SPOCK3: variants seen among roughly 807,000 people sequenced by gnomAD.
The protein encoded by SPOCK3 is testican-3.
In SPOCK3, 30 loss-of-function variants were observed where a neutral mutation model predicts 56.6. The observed-to-expected ratio is 0.53, with a 90% CI of 0.40 to 0.72. SPOCK3 has a LOEUF of 0.72. Among genes scored for constraint, SPOCK3 ranks in the 30% least tolerant of loss-of-function variants. The pLI, the probability that SPOCK3 is intolerant of heterozygous loss-of-function variation, is 0.00. For missense variants in SPOCK3, 527 were observed against 530.0 expected (o/e 0.99, Z 0.06); for synonymous variants, 196 against 183.3 (o/e 1.07, Z -0.56).
At chr4:166,938,461 C>T (rs755685169) in intron 4 of SPOCK3, among the ~76,000 whole-genome samples, 3 of 151,952 alleles carry the variant, frequency 2.0e-5, no homozygotes, top group Non-Finnish European at 4.4e-5. Context: ...TGCTGGTGAT[C>T]AATCTGGTAA....
At chr4:167,117,048 C>G (rs1463015303) in intron 2 of SPOCK3, among the ~76,000 whole-genome samples, 3 of 150,658 alleles carry the variant, frequency 2.0e-5, no homozygotes, top group Non-Finnish European at 4.4e-5. Context: ...GCCTTCAACA[C>G]TGGGGCCATG....
chr4:166,817,607 A>C (rs1372748162), intron 6 of SPOCK3, among the ~76,000 whole-genome samples: 1 of 152,082 alleles, frequency 6.6e-6, no homozygotes, highest in Non-Finnish European at 1.5e-5. Flanking sequence ...CCCCTGGTCA[A>C]CACTTCCTCA....
chr4:167,015,681 G>C (rs991082450), intron 3 of SPOCK3, among the ~76,000 whole-genome samples: 2 of 152,100 alleles, frequency 1.3e-5, no homozygotes, highest in Non-Finnish European at 2.9e-5. Flanking sequence ...TGATCTGACT[G>C]TTGTTAAACG....
At chr4:167,098,896 T>G (rs918831380) in intron 2 of SPOCK3, among the ~76,000 whole-genome samples, 1 of 152,048 alleles carries the variant, frequency 6.6e-6, no homozygotes, top group South Asian at 2.1e-4. Flanking sequence ...AAAATGCCTG[T>G]AACATTTTAT....
intron 2 of SPOCK3, among the ~76,000 whole-genome samples, chr4:167,099,086 T>C (rs1232728737): frequency 1.3e-5 from 2 of 152,062 alleles, no homozygotes; most frequent in African/African-American, 4.8e-5. Flanking sequence ...AGAATCATTA[T>C]GTAGTAAATG....
intron 3 of SPOCK3, among the ~76,000 whole-genome samples, chr4:167,021,748 G>A (rs115913600): frequency 0.012 from 1,835 of 152,074 alleles, 42 homozygotes; most frequent in African/African-American, 0.041. Flanking sequence ...CCACCAGGTG[G>A]CGCCAAACAG....
rs140961653 is a variant in SPOCK3, at chr4:166,774,101, A to C, written c.709+18069T>G. ...ATGTTATATAATAATCACAATTCCA[A>C]ATCTGATTCTTTCTTTCTGTAGCTG... On this transcript the variant is annotated intron_variant, in intron 7 of 10. Coordinates refer to ENST00000357545, the MANE Select transcript of SPOCK3 (RefSeq NM_001040159.2). Among the ~76,000 whole-genome samples the C allele has an allele frequency of 1.7e-3, 260 of 152,302 alleles. 2 individuals are homozygous for C. Among genetic ancestry groups the C allele is most frequent in the African/African-American group, 5.9e-3 (247 of 41,568 alleles).
intron 10 of SPOCK3, 102 bp from the exon 11 acceptor site, chr4:166,735,192 A>G: frequency 1.4e-6 from 1 of 730,656 alleles, no homozygotes; most frequent in Non-Finnish European, 2.2e-6. Flanking sequence ...TTTAGAAAGT[A>G]ATTTGTTTTC....
At chr4:167,179,938 G>T (rs1011429018) in intron 2 of SPOCK3, among the ~76,000 whole-genome samples, 5 of 152,140 alleles carry the variant, frequency 3.3e-5, no homozygotes, top group African/African-American at 1.2e-4. Flanking sequence ...TGGCAAATAT[G>T]CCAGGATTAG....
At chr4:167,080,335 A>T (rs569304168) in intron 2 of SPOCK3, among the ~76,000 whole-genome samples, 1 of 152,202 alleles carries the variant, frequency 6.6e-6, no homozygotes, top group East Asian at 1.9e-4. Context: ...CAAGTTTCCA[A>T]TTGTCCCAAC....
At chr4:167,105,144 A>T (rs551218681) in intron 2 of SPOCK3, among the ~76,000 whole-genome samples, 1 of 152,134 alleles carries the variant, frequency 6.6e-6, no homozygotes, top group South Asian at 2.1e-4. Context: ...AAATCACAGA[A>T]TATTATAACA....
At chr4:167,093,329 C>A (rs1405156889) in intron 2 of SPOCK3, among the ~76,000 whole-genome samples, 1 of 152,094 alleles carries the variant, frequency 6.6e-6, no homozygotes. Context: ...GTTCAGGATA[C>A]ATGTGCAGAA....
intron 2 of SPOCK3, among the ~76,000 whole-genome samples, chr4:167,195,640 C>T (rs1732871156): frequency 6.6e-6 from 1 of 152,076 alleles, no homozygotes; most frequent in Non-Finnish European, 1.5e-5. Context: ...GGCCTATTAC[C>T]CAAAGTGTGG....
intron 4 of SPOCK3, among the ~76,000 whole-genome samples, chr4:166,913,022 T>C (rs966086646): frequency 2.0e-5 from 3 of 152,262 alleles, no homozygotes; most frequent in African/African-American, 7.2e-5. Context: ...TGAACCCTTT[T>C]GATAGACTCA....
intron 2 of SPOCK3, among the ~76,000 whole-genome samples, chr4:167,139,353 CA>C (rs544474191): frequency 1.2e-3 from 180 of 151,532 alleles, no homozygotes; most frequent in African/African-American, 3.4e-3. Context: ...AAGAAATATA[CA>C]AAAAAAATGT....
intron 5 of SPOCK3, among the ~76,000 whole-genome samples, chr4:166,890,368 A>T (rs1001738963): frequency 6.6e-6 from 1 of 151,922 alleles, no homozygotes; most frequent in African/African-American, 2.4e-5. Context: ...AAAATCTGGG[A>T]TAATGATACC....
chr4:166,777,636 T>C (rs1394766911), intron 7 of SPOCK3, among the ~76,000 whole-genome samples: 2 of 151,966 alleles, frequency 1.3e-5, no homozygotes, highest in African/African-American at 2.4e-5. Flanking sequence ...ACTGAGAAGG[T>C]TGAGGCAGGA....
chr4:166,928,421 A>G (rs1739360193), intron 4 of SPOCK3, among the ~76,000 whole-genome samples: 1 of 152,222 alleles, frequency 6.6e-6, no homozygotes, highest in East Asian at 1.9e-4. Flanking sequence ...AGTAACTGGA[A>G]GAAGCCAACC....
intron 3 of SPOCK3, among the ~76,000 whole-genome samples, chr4:167,048,203 A>G (rs1370694151): frequency 6.6e-6 from 1 of 151,932 alleles, no homozygotes; most frequent in Non-Finnish European, 1.5e-5. Context: ...GTCAAAAAAG[A>G]TCTAGTATTC....
Sources: allele counts gnomAD v4.1 joint callset (sites outside exome capture counted in the v4.1 genomes callset), GRCh38; gene constraint gnomAD v4.1.1; transcripts MANE v1.5; gene names NCBI Gene and HGNC (gene_info 2026-07-23, HGNC 2026-07-21).